Variants in FHIT observed in about 807,000 individuals in gnomAD.
FHIT encodes bis(5'-adenosyl)-triphosphatase.
In FHIT, 19 loss-of-function variants were observed where a neutral mutation model predicts 17.9. That is an observed-to-expected ratio of 1.06 (90% CI 0.74 to 1.56). The LOEUF (loss-of-function observed/expected upper bound fraction) is 1.56. FHIT is among the 40% of genes most tolerant of loss of function. The probability of loss-of-function intolerance (pLI) is 0.00; values close to 1 mark genes in which losing one functional copy is unlikely to be tolerated. For missense variants in FHIT, 248 were observed against 189.2 expected, an observed-to-expected ratio of 1.31 and a Z score of -1.82; for synonymous variants, 81 against 69.7, an observed-to-expected ratio of 1.16 and a Z score of -0.81.
Position 60,148,231 on chromosome 3 carries a change from T to C in FHIT, c.104-134079A>G, listed in dbSNP as rs534649973. Among the ~76,000 whole-genome samples, 4 of 152,298 alleles carry C rather than the reference T, an allele frequency of 2.6e-5. 1 individual carries two copies. The highest frequency in any genetic ancestry group is 9.6e-5 in the African/African-American group (4 of 41,574). ...TCCTCAGTGTTATACATTACACATA[T>C]CAATAAACCCTAGAGTCCCATACTA... On this transcript the variant is annotated intron_variant, in intron 5 of 9. Coordinates refer to ENST00000492590, the MANE Select transcript of FHIT (RefSeq NM_002012.4).
chr3:60,803,496 T>C (rs1297690792), intron 4 of FHIT, among the ~76,000 whole-genome samples: 1 of 152,194 alleles, frequency 6.6e-6, no homozygotes, highest in Non-Finnish European at 1.5e-5. Flanking sequence ...GCAGTGATAA[T>C]CCCTTAAGGA....
At chr3:60,391,220 CAA>C (rs1435020254) in intron 5 of FHIT, among the ~76,000 whole-genome samples, 2 of 145,816 alleles carry the variant, frequency 1.4e-5, no homozygotes, top group Non-Finnish European at 3.0e-5. Context: ...AACAAACAAA[CAA>C]AAACAAAAAA....
chr3:60,774,223 A>G (rs1289504028), intron 4 of FHIT, among the ~76,000 whole-genome samples: 1 of 152,186 alleles, frequency 6.6e-6, no homozygotes, highest in Admixed American at 6.5e-5. Context: ...ATCCCAGTGG[A>G]TGCCTGAAAT....
intron 7 of FHIT, among the ~76,000 whole-genome samples, chr3:59,936,894 A>C (rs1330466073): frequency 1.3e-5 from 2 of 152,180 alleles, no homozygotes. Context: ...TCAGCCATGA[A>C]GGACAAGCTT....
intron 5 of FHIT, among the ~76,000 whole-genome samples, chr3:60,376,631 G>T (rs1021654325): frequency 1.3e-4 from 20 of 152,120 alleles, no homozygotes; most frequent in African/African-American, 3.6e-4. Context: ...ATTTAGCTCA[G>T]GATGTATGAA....
At chr3:60,127,714 C>A (rs911022764) in intron 5 of FHIT, among the ~76,000 whole-genome samples, 1 of 152,136 alleles carries the variant, frequency 6.6e-6, no homozygotes, top group Non-Finnish European at 1.5e-5. Context: ...GATCCTCCCA[C>A]CTCAGCCTCC....
At chr3:61,212,039 C>G (rs1251651231) in intron 1 of FHIT, among the ~76,000 whole-genome samples, 1 of 152,126 alleles carries the variant, frequency 6.6e-6, no homozygotes, top group Non-Finnish European at 1.5e-5. Flanking sequence ...TAGATAAAAC[C>G]ACAAAGATGG....
At position 60,469,409 on chromosome 3, in the gene FHIT, C is replaced by A. The variant is rs571450112; in HGVS notation, c.103+67451G>T. On this transcript the variant is annotated intron_variant, in intron 5 of 9. Transcript: ENST00000492590. ...CAGCTTGTCTTCAAGCTCACTAATT[C>A]TTTGTTTTGCTTATTTCTGCTATTA... is the stretch of plus-strand genomic sequence containing the variant. Among the ~76,000 whole-genome samples, 3 of 152,260 alleles carry A rather than the reference C, an allele frequency of 2.0e-5. No individual in the cohort carries two copies. In the South Asian group the frequency reaches 6.2e-4, roughly 32 times the overall value.
intron 5 of FHIT, among the ~76,000 whole-genome samples, chr3:60,197,525 T>C (rs1185248770): frequency 6.6e-6 from 1 of 152,142 alleles, no homozygotes; most frequent in Non-Finnish European, 1.5e-5. Flanking sequence ...CTAAAGTAAA[T>C]ATTAGTAAAG....
At chr3:60,996,411 C>G (rs2030676098) in intron 3 of FHIT, among the ~76,000 whole-genome samples, 1 of 152,134 alleles carries the variant, frequency 6.6e-6, no homozygotes, top group Non-Finnish European at 1.5e-5. Context: ...TCTTGTCAAA[C>G]CAACCACAGA....
chr3:60,883,313 G>A lies in FHIT; in HGVS notation c.-110-61302C>T, dbSNP rs192698705. ...GCTACCAAAAACAATTTACAGATTT[G>A]ATGTAAACCTTTTCAAAATACCAAT... On this transcript the variant is annotated intron_variant, in intron 3 of 9. Transcript: ENST00000492590. Among the ~76,000 whole-genome samples, 30 of 152,124 alleles carry A rather than the reference G, an allele frequency of 2.0e-4. No homozygotes were observed. The East Asian group carries it at 5.8e-3, about 29-fold the overall frequency.
chr3:60,255,420 T>G (rs1201859462), intron 5 of FHIT, among the ~76,000 whole-genome samples: 15 of 152,092 alleles, frequency 9.9e-5, no homozygotes, highest in Admixed American at 9.8e-4. Flanking sequence ...TGGCAGGTAC[T>G]GAAAACGAGT....
chr3:59,752,358 G>T, intron 8 of FHIT, 37 bp from the exon 9 acceptor site: 2 of 1,539,678 alleles, frequency 1.3e-6, no homozygotes, highest in Non-Finnish European at 1.8e-6. Flanking sequence ...TCTTTCATGG[G>T]CCCTTGGGAT....
At chr3:60,938,397 A>G (rs1708281151) in intron 3 of FHIT, among the ~76,000 whole-genome samples, 2 of 152,166 alleles carry the variant, frequency 1.3e-5, no homozygotes, top group African/African-American at 4.8e-5. Flanking sequence ...TTCTCAACAC[A>G]CAGTATGGAA....
chr3:59,788,349 G>A lies in FHIT; in HGVS notation c.349-36028C>T, dbSNP rs554508459. Among the ~76,000 whole-genome samples the A allele has an allele frequency of 2.0e-5, 3 of 152,252 alleles. No individual in the cohort carries two copies. The South Asian group carries it at 6.2e-4, about 32-fold the overall frequency. Reference sequence around the variant, plus strand: ...CAACTCCCAAGCACTTCCTGGAAATGCAGATGCTGTATCCAGGGCAGAAAG... The same window carrying A: ...CAACTCCCAAGCACTTCCTGGAAATACAGATGCTGTATCCAGGGCAGAAAG... On this transcript the variant is annotated intron_variant, in intron 8 of 9. Transcript: ENST00000492590.
chr3:60,133,750 T>A (rs932827808), intron 5 of FHIT, among the ~76,000 whole-genome samples: 14 of 151,574 alleles, frequency 9.2e-5, no homozygotes, highest in Admixed American at 5.9e-4. Flanking sequence ...TTTTTTTTTT[T>A]AATCCTAAAA....
chr3:60,943,027 T>C lies in FHIT; in HGVS notation c.-111+99020A>G, dbSNP rs144000686. ...TCCTCTGAAATAAAGAATTAGTAAA[T>C]ATAATTTTTATTCATCAGCATTAAG... On this transcript the variant is annotated intron_variant, in intron 3 of 9. Coordinates refer to ENST00000492590, the MANE Select transcript of FHIT (RefSeq NM_002012.4). Among the ~76,000 whole-genome samples, 970 of 152,284 alleles carry C rather than the reference T, an allele frequency of 6.4e-3. 5 individuals carry two copies. The highest frequency in any genetic ancestry group is 0.011 in the Non-Finnish European group (769 of 67,984).
At chr3:60,297,283 C>G (rs1362620259) in intron 5 of FHIT, among the ~76,000 whole-genome samples, 1 of 152,052 alleles carries the variant, frequency 6.6e-6, no homozygotes, top group African/African-American at 2.4e-5. Flanking sequence ...GAATATGTCT[C>G]TCCATTTATT....
At position 61,186,386 on chromosome 3, in the gene FHIT, G is replaced by T. The variant is rs537592012; in HGVS notation, c.-164+14231C>A. 3.4e-4 allele frequency among the ~76,000 whole-genome samples: 52 copies of T among 152,334 alleles called. 1 individual carries two copies. Among genetic ancestry groups the T allele is most frequent in the Admixed American group, 3.3e-3 (50 of 15,302 alleles). ...TGGGCCACAGGTGACTCTGGCAAGG[G>T]TGGGCGCCTGACCTACATCAAACCA... On this transcript the variant is annotated intron_variant, in intron 2 of 9. Coordinates refer to ENST00000492590, the MANE Select transcript of FHIT (RefSeq NM_002012.4).
Sources: gnomAD v4.1 joint callset for allele counts (sites outside exome capture counted in the v4.1 genomes callset) on GRCh38, gnomAD v4.1.1 for gene constraint, MANE v1.5 for transcripts, NCBI Gene and HGNC (gene_info 2026-07-23, HGNC 2026-07-21) for gene names.